The following PCDHGA10 variants were observed in gnomAD, a reference collection of about 807,000 sequenced individuals.
PCDHGA10 encodes protocadherin gamma-A10.
PCDHGA10 carries 42 observed loss-of-function variants against 59.5 expected under a neutral mutation model. The ratio of observed to expected loss-of-function variants is 0.71; its 90% CI spans 0.55 to 0.91. The LOEUF (loss-of-function observed/expected upper bound fraction) is 0.91, where lower values mean the gene tolerates loss of function less well. PCDHGA10 is among the 40% of genes least tolerant of loss of function. PCDHGA10 has a pLI of 0.00. For missense variants in PCDHGA10, 1,111 were observed against 1,198.2 expected (o/e 0.93, Z 1.07); for synonymous variants, 511 against 517.2 (o/e 0.99, Z 0.16).
Position 141,477,289 on chromosome 5 carries a change from T to G in PCDHGA10, c.2437-17518T>G, listed in dbSNP as rs759477848. On this transcript the variant is annotated intron_variant, in intron 1 of 3. Coordinates refer to ENST00000398610, the MANE Select transcript of PCDHGA10 (RefSeq NM_018913.3). The surrounding 1 kb of genome is among the most constrained non-coding windows in gnomAD (Gnocchi z 4.9). ...AGAACGGGCTGGTGACCTGCGAAGT[T>G]CCACCGGGTCTCCCTTTCAGCCTTA... The G allele has an allele frequency of 3.2e-5, 52 of 1,614,046 alleles. No individual in the cohort carries two copies. Among genetic ancestry groups the G allele is most frequent in the Non-Finnish European group, 4.2e-5 (50 of 1,180,040 alleles).
intron 1 of PCDHGA10, among the ~76,000 whole-genome samples, chr5:141,459,101 C>A (rs1021289352): frequency 6.6e-6 from 1 of 152,192 alleles, no homozygotes; most frequent in Non-Finnish European, 1.5e-5. Context: ...CAGTGCAATG[C>A]ATTTTGACAA....
Position 141,486,914 on chromosome 5 carries a change from C to T in PCDHGA10, c.2437-7893C>T, listed in dbSNP as rs1469857080. On this transcript the variant is annotated intron_variant, in intron 1 of 3. Coordinates refer to ENST00000398610, the MANE Select transcript of PCDHGA10 (RefSeq NM_018913.3). This position sits in a 1 kb window ranked among gnomAD's most constrained non-coding sequence, Gnocchi z 5.0. ...TGGTTCCTTATGTCCCCAAGCACTG[C>T]CTCCATCAGTTGGTGCTGGCCACCT... The T allele has an allele frequency of 6.2e-7, 1 of 1,614,236 alleles. No individual in the cohort carries two copies.
chr5:141,487,386 G>C lies in PCDHGA10; in HGVS notation c.2437-7421G>C. On this transcript the variant is annotated intron_variant, in intron 1 of 3. Coordinates refer to ENST00000398610, the MANE Select transcript of PCDHGA10 (RefSeq NM_018913.3). The surrounding 1 kb of genome is among the most constrained non-coding windows in gnomAD (Gnocchi z 5.0). Reference sequence around the variant, plus strand: ...ACCTGTGCCTGTCTCACCAGATCTCGAAGGAGGGAGGGGCTTCCCCCTTCC... The same window carrying C: ...ACCTGTGCCTGTCTCACCAGATCTCCAAGGAGGGAGGGGCTTCCCCCTTCC... The C allele has an allele frequency of 1.2e-6, 2 of 1,614,164 alleles. No homozygotes were observed. Among genetic ancestry groups the C allele is most frequent in the South Asian group, 1.1e-5 (1 of 91,084 alleles).
intron 1 of PCDHGA10, among the ~76,000 whole-genome samples, chr5:141,484,122 T>C (rs1343894991): frequency 6.6e-6 from 1 of 152,180 alleles, no homozygotes; most frequent in African/African-American, 2.4e-5. Context: ...CAAGAATACC[T>C]TGGTGTCAGA....
In PCDHGA10 at chr5:141,431,463, C is replaced by T. The variant is rs139195027; in HGVS notation, c.2436+15852C>T. Reference sequence around the variant, plus strand: ...CGCATCCGCGTGATGGTTCTGGATGCGAACGACAACGCACCAGCGTTTGCT... The same window carrying T: ...CGCATCCGCGTGATGGTTCTGGATGTGAACGACAACGCACCAGCGTTTGCT... On this transcript the variant is annotated intron_variant, in intron 1 of 3. Transcript: ENST00000398610. The surrounding 1 kb of genome is among the most constrained non-coding windows in gnomAD (Gnocchi z 4.8). The T allele has an allele frequency of 3.5e-3, 5,640 of 1,613,740 alleles. 51 individuals are homozygous for T. Among genetic ancestry groups the T allele is most frequent in the South Asian group, 0.02 (1,825 of 91,088 alleles).
At chr5:141,429,196 A>ACACACT in intron 1 of PCDHGA10, 1 of 151,994 alleles carries the variant, frequency 6.6e-6, no homozygotes, top group Non-Finnish European at 1.5e-5. Context: ...ACACACACAC[A>ACACACT]CACACACACG....
intron 1 of PCDHGA10, among the ~76,000 whole-genome samples, chr5:141,446,107 T>C (rs1031524158): frequency 6.6e-6 from 1 of 152,130 alleles, no homozygotes; most frequent in Admixed American, 6.5e-5. Flanking sequence ...TATAGATATA[T>C]TTAGGAAATG....
At position 141,491,052 on chromosome 5, in the gene PCDHGA10, G is replaced by A. The variant is rs2099707642; in HGVS notation, c.2437-3755G>A. ...ATGCTGATGCAGGCCACAATGCGTG[G>A]CTCTCCTACTCACTGTTGCCACAGT... On this transcript the variant is annotated intron_variant, in intron 1 of 3. Transcript: ENST00000398610. The surrounding 1 kb of genome is among the most constrained non-coding windows in gnomAD (Gnocchi z 6.9). 3.1e-6 allele frequency: 5 copies of A among 1,614,038 alleles called. No individual in the cohort carries two copies. The highest frequency in any genetic ancestry group is 4.2e-6 in the Non-Finnish European group (5 of 1,180,032).
chr5:141,413,575 G>A lies in PCDHGA10; in HGVS notation c.400G>A (p.Ala134Thr), dbSNP rs762938003. The stretch of plus-strand genomic sequence containing the variant: ...AGAAGTAACTGATATCAATGACAAT[G>A]CTCCAAAATTCCAAGCAGAAAATCT... ...EIEVTDINDNAPKFQAENLDV... is the reference protein window; with the variant it reads ...EIEVTDINDNTPKFQAENLDV... The change falls in exon 1 of 4, where the codon GCT (alanine) becomes ACT (threonine). Residue 134 changes from alanine to threonine, a missense_variant. Transcript: ENST00000398610. 4.3e-6 allele frequency: 7 copies of A among 1,613,886 alleles called. No individual in the cohort carries two copies. In the South Asian group the frequency reaches 6.6e-5, roughly 15 times the overall value.
At chr5:141,465,880 TG>T (rs2154569018) in intron 1 of PCDHGA10, among the ~76,000 whole-genome samples, 1 of 152,096 alleles carries the variant, frequency 6.6e-6, no homozygotes, top group East Asian at 1.9e-4. Context: ...CCCAGCACTT[TG>T]GGAGGCCGAG....
rs768079276 is a variant in PCDHGA10, at chr5:141,490,997, G to A, written c.2437-3810G>A. On this transcript the variant is annotated intron_variant, in intron 1 of 3. Transcript: ENST00000398610. The surrounding 1 kb of genome is among the most constrained non-coding windows in gnomAD (Gnocchi z 5.4). ...CGTCTCCCTCGCTCTGCTCCTCCTG[G>A]CTCCTTGGTCACCAAGGTGACAGCC... 1.2e-6 allele frequency: 2 copies of A among 1,614,032 alleles called. No individual in the cohort carries two copies. Among genetic ancestry groups the A allele is most frequent in the Admixed American group, 1.7e-5 (1 of 60,030 alleles).
In PCDHGA10 at chr5:141,432,733, C is replaced by T; in HGVS notation, c.2436+17122C>T. 1 of 1,614,094 alleles carries T rather than the reference C, an allele frequency of 6.2e-7. No individual in the cohort carries two copies. Among genetic ancestry groups the T allele is most frequent in the Middle Eastern group, 1.6e-4 (1 of 6,062 alleles). ...GCCAGCCCCCTCTCTCCGCCACTGTCACGCTCACCGTGGCCGTGGCCGACA... is the reference window on the plus strand; with the variant it reads ...GCCAGCCCCCTCTCTCCGCCACTGTTACGCTCACCGTGGCCGTGGCCGACA... On this transcript the variant is annotated intron_variant, in intron 1 of 3. Coordinates refer to ENST00000398610, the MANE Select transcript of PCDHGA10 (RefSeq NM_018913.3). The surrounding 1 kb of genome is among the most constrained non-coding windows in gnomAD (Gnocchi z 6.0).
At chr5:141,428,189 C>G in intron 1 of PCDHGA10, 1 of 1,429,262 alleles carries the variant, frequency 7.0e-7, no homozygotes, top group African/African-American at 1.4e-5. Flanking sequence ...ACAGCCGCCG[C>G]TCTCTGCGCC....
At chr5:141,439,523 T>A (rs2098118339) in intron 1 of PCDHGA10, among the ~76,000 whole-genome samples, 1 of 152,202 alleles carries the variant, frequency 6.6e-6, no homozygotes, top group African/African-American at 2.4e-5. Context: ...CAACTAACTC[T>A]ACAGAACGCT....
At chr5:141,498,105 G>A (rs150297456) in intron 2 of PCDHGA10, among the ~76,000 whole-genome samples, 4 of 152,206 alleles carry the variant, frequency 2.6e-5, no homozygotes, top group African/African-American at 9.7e-5. Flanking sequence ...TGGTGTGGGC[G>A]TATAATAGGG....
Position 141,486,824 on chromosome 5 carries a change from G to A in PCDHGA10, c.2437-7983G>A, listed in dbSNP as rs749609525. On this transcript the variant is annotated intron_variant, in intron 1 of 3. Coordinates refer to ENST00000398610, the MANE Select transcript of PCDHGA10 (RefSeq NM_018913.3). The surrounding 1 kb of genome is among the most constrained non-coding windows in gnomAD (Gnocchi z 5.0). ...CCCACCCCTTAGCAGCACTGTAACA[G>A]TTCGTCTATTTGTGCTGGACCTCAA... is the stretch of plus-strand genomic sequence containing the variant. 1 of 1,614,218 alleles carries A rather than the reference G, an allele frequency of 6.2e-7. No homozygotes were observed. Among genetic ancestry groups the A allele is most frequent in the Non-Finnish European group, 8.5e-7 (1 of 1,180,028 alleles).
intron 1 of PCDHGA10, chr5:141,417,617 A>G (rs576281946): frequency 9.3e-6 from 6 of 646,206 alleles, no homozygotes; most frequent in African/African-American, 1.8e-5. Flanking sequence ...GCCAGTGCAG[A>G]GCAAGCGCTG....
chr5:141,423,552 C>A, intron 1 of PCDHGA10: 2 of 1,613,720 alleles, frequency 1.2e-6, no homozygotes, highest in Non-Finnish European at 1.7e-6. Context: ...CCCAGCCCAA[C>A]TATGGGGACA....
chr5:141,447,389 C>T (rs1467715872), intron 1 of PCDHGA10, among the ~76,000 whole-genome samples: 1 of 152,150 alleles, frequency 6.6e-6, no homozygotes, highest in African/African-American at 2.4e-5. Context: ...CTGCCCACCT[C>T]GGCCTCCCAA....
Sources: gnomAD v4.1 joint callset for allele counts (sites outside exome capture counted in the v4.1 genomes callset) on GRCh38, gnomAD v4.1.1 for gene constraint, Gnocchi (gnomAD v3.1) non-coding constraint, MANE v1.5 for transcripts, NCBI Gene and HGNC (gene_info 2026-07-23, HGNC 2026-07-21) for gene names.